The following MACROD2 variants were observed in gnomAD, a reference collection of about 807,000 sequenced individuals.
The protein encoded by MACROD2 is ADP-ribose glycohydrolase MACROD2.
MACROD2 carries 36 observed loss-of-function variants against 70.4 expected under a neutral mutation model. The ratio of observed to expected loss-of-function variants is 0.51; its 90% CI spans 0.39 to 0.68. The LOEUF is 0.68. Among genes scored for constraint, MACROD2 ranks in the 30% least tolerant of loss-of-function variants. MACROD2 has a pLI of 0.00. For synonymous variants in MACROD2, 172 were observed against 178.8 expected (o/e 0.96, Z 0.30); for missense variants, 496 against 538.4 (o/e 0.92, Z 0.78).
chr20:15,576,188 G>A (rs2048445087), intron 8 of MACROD2, among the ~76,000 whole-genome samples: 1 of 151,846 alleles, frequency 6.6e-6, no homozygotes, highest in African/African-American at 2.4e-5. Context: ...TTTGACACAT[G>A]TAAATTAATG....
At chr20:14,454,837 C>T (rs2084282892) in intron 3 of MACROD2, among the ~76,000 whole-genome samples, 1 of 150,970 alleles carries the variant, frequency 6.6e-6, no homozygotes, top group Non-Finnish European at 1.5e-5. Context: ...ACTGCAAGCT[C>T]CGCCTCCCGG....
intron 4 of MACROD2, among the ~76,000 whole-genome samples, chr20:14,658,608 T>C (rs1242202688): frequency 6.6e-6 from 1 of 152,072 alleles, no homozygotes; most frequent in Admixed American, 6.6e-5. Context: ...TTTATGTATT[T>C]TGTTTGTTTG....
At chr20:15,285,212 T>C (rs1295241895) in intron 6 of MACROD2, among the ~76,000 whole-genome samples, 1 of 152,208 alleles carries the variant, frequency 6.6e-6, no homozygotes, top group Non-Finnish European at 1.5e-5. Flanking sequence ...TATATTTCTC[T>C]AAAGGTAAAG....
At chr20:14,535,766 C>T (rs1047092400) in intron 4 of MACROD2, among the ~76,000 whole-genome samples, 1 of 152,102 alleles carries the variant, frequency 6.6e-6, no homozygotes, top group African/African-American at 2.4e-5. Context: ...TCAGGTGGCA[C>T]TGAAGTGACT....
chr20:15,494,452 A>T (rs1489066916), intron 7 of MACROD2, among the ~76,000 whole-genome samples: 1 of 152,230 alleles, frequency 6.6e-6, no homozygotes. Flanking sequence ...GACTGGATAA[A>T]CAGATTGTGG....
intron 13 of MACROD2, among the ~76,000 whole-genome samples, chr20:15,969,047 C>T (rs888155867): frequency 2.0e-4 from 31 of 151,808 alleles, no homozygotes; most frequent in African/African-American, 6.5e-4. Context: ...GCAATGACCC[C>T]GATAAACTCT....
intron 5 of MACROD2, among the ~76,000 whole-genome samples, chr20:15,117,873 C>T (rs573594088): frequency 6.6e-6 from 1 of 152,074 alleles, no homozygotes; most frequent in South Asian, 2.1e-4. Context: ...TGCTTTGTAG[C>T]CCTTTGCTCT....
chr20:15,792,733 G>C (rs559648162), intron 8 of MACROD2, among the ~76,000 whole-genome samples: 41 of 152,242 alleles, frequency 2.7e-4, no homozygotes, highest in African/African-American at 9.9e-4. Flanking sequence ...AAATTGGCTC[G>C]ACCTCTTTGT....
chr20:14,106,270 C>T (rs569670718), intron 3 of MACROD2, among the ~76,000 whole-genome samples: 32 of 152,272 alleles, frequency 2.1e-4, no homozygotes, highest in African/African-American at 7.2e-4. Flanking sequence ...CAGAACCCCA[C>T]ATGGGCTGGT....
rs531460970 is a variant in MACROD2, at chr20:15,660,993, G to A, written c.645+161146G>A. On this transcript the variant is annotated intron_variant, in intron 8 of 17. Transcript: ENST00000684519. ...TTTTGTACTAATTTTCTTTGCAGAT[G>A]TTTCGGAGTTTGAGCTATGCAGTTA... 4.6e-5 allele frequency among the ~76,000 whole-genome samples: 7 copies of A among 152,272 alleles called. No homozygotes were observed. The East Asian group carries it at 1.4e-3, about 29-fold the overall frequency.
chr20:15,221,802 C>T (rs932388453), intron 5 of MACROD2, among the ~76,000 whole-genome samples: 1 of 152,158 alleles, frequency 6.6e-6, no homozygotes, highest in African/African-American at 2.4e-5. Context: ...ATTATCAGCA[C>T]ATGATGCCCC....
chr20:15,019,913 T>G (rs1277871842), intron 5 of MACROD2, among the ~76,000 whole-genome samples: 2 of 152,184 alleles, frequency 1.3e-5, no homozygotes, highest in Non-Finnish European at 2.9e-5. Flanking sequence ...TAATAATAAT[T>G]GAATACTTAA....
chr20:14,102,832 A>G (rs368437842), intron 3 of MACROD2, among the ~76,000 whole-genome samples: 1 of 151,936 alleles, frequency 6.6e-6, no homozygotes, highest in Non-Finnish European at 1.5e-5. Flanking sequence ...AGGATGTAGG[A>G]TGGGGAAGAA....
chr20:15,170,194 A>C (rs16995403), intron 5 of MACROD2, among the ~76,000 whole-genome samples: 12,345 of 152,242 alleles, frequency 0.081, 637 homozygotes, highest in Admixed American at 0.12. Context: ...ATTGAAGATA[A>C]AGCTGAATTC....
At chr20:14,403,224 G>A (rs2083657328) in intron 3 of MACROD2, among the ~76,000 whole-genome samples, 1 of 152,060 alleles carries the variant, frequency 6.6e-6, no homozygotes, top group Admixed American at 6.6e-5. Flanking sequence ...TGACTTACTG[G>A]CTCATTGTAC....
At chr20:14,206,954 G>GGAA (rs1477270265) in intron 3 of MACROD2, among the ~76,000 whole-genome samples, 1 of 152,050 alleles carries the variant, frequency 6.6e-6, no homozygotes, top group Non-Finnish European at 1.5e-5. Flanking sequence ...TAGGTAACTT[G>GGAA]GAAGAATGAT....
At chr20:14,413,756 G>A (rs1194324933) in intron 3 of MACROD2, among the ~76,000 whole-genome samples, 1 of 152,068 alleles carries the variant, frequency 6.6e-6, no homozygotes, top group Non-Finnish European at 1.5e-5. Context: ...CATGACAGAA[G>A]TACCATGTAC....
intron 8 of MACROD2, among the ~76,000 whole-genome samples, chr20:15,621,194 C>T (rs1023843745): frequency 2.6e-5 from 4 of 152,172 alleles, no homozygotes; most frequent in South Asian, 2.1e-4. Flanking sequence ...AACACATTGC[C>T]GTTTGCTCTC....
In MACROD2 at chr20:14,794,810, T is replaced by C. The variant is rs192040706; in HGVS notation, c.418+109851T>C. Among the ~76,000 whole-genome samples the C allele has an allele frequency of 1.5e-3, 229 of 152,172 alleles. 2 individuals are homozygous for C. Among genetic ancestry groups the C allele is most frequent in the African/African-American group, 5.1e-3 (213 of 41,464 alleles). The stretch of plus-strand genomic sequence containing the variant: ...AAGGTCTCAGCATGCAGGGAGCACA[T>C]ATTCTAGTGGAGACAAGTAGAAAAA... On this transcript the variant is annotated intron_variant, in intron 5 of 17. Transcript: ENST00000684519.
Sources: allele counts gnomAD v4.1 joint callset (sites outside exome capture counted in the v4.1 genomes callset), GRCh38; gene constraint gnomAD v4.1.1; transcripts MANE v1.5; gene names NCBI Gene and HGNC (gene_info 2026-07-23, HGNC 2026-07-21).